GAP43: variants seen among roughly 807,000 people sequenced by gnomAD.
GAP43 encodes the protein neuromodulin.
A neutral mutation model predicts 18.6 loss-of-function variants in GAP43; 6 were observed. The observed-to-expected ratio is 0.32, with a 90% CI of 0.18 to 0.64. The LOEUF (loss-of-function observed/expected upper bound fraction) is 0.64, where lower values mean the gene tolerates loss of function less well. Ranked by LOEUF, GAP43 falls within the 30% of genes least tolerant of loss-of-function variation. GAP43 has a pLI of 0.78. For missense variants in GAP43, 292 were observed against 295.5 expected (o/e 0.99, Z 0.09); for synonymous variants, 115 against 111.4 (o/e 1.03, Z -0.20).
At chr3:115,720,764 C>A (rs750154075) in intron 2 of GAP43, 30 bp from the exon 3 acceptor site, 3 of 1,482,872 alleles carry the variant, frequency 2.0e-6, no homozygotes, top group South Asian at 2.3e-5. Context: ...CTCTCCTTTT[C>A]CCCCCATCCT....
intron 1 of GAP43, among the ~76,000 whole-genome samples, chr3:115,630,761 C>T (rs1229145557): frequency 6.6e-6 from 1 of 152,108 alleles, no homozygotes; most frequent in East Asian, 1.9e-4. Flanking sequence ...TAGAGTTTTT[C>T]TGATTAAGTA....
chr3:115,674,679 A>AT (rs1354653820), intron 1 of GAP43, among the ~76,000 whole-genome samples: 1 of 152,194 alleles, frequency 6.6e-6, no homozygotes, highest in Non-Finnish European at 1.5e-5. Context: ...AAATTCAGGA[A>AT]TAGTGGTCTT....
chr3:115,661,831 C>CTTTCTTTTTTTTT lies in GAP43; in HGVS notation c.31-14179_31-14178insCTTTTTTTTTTTT, dbSNP rs780627070. 1.1e-4 allele frequency among the ~76,000 whole-genome samples: 12 copies of CTTTCTTTTTTTTT among 105,970 alleles called. 1 individual carries two copies. The highest frequency in any genetic ancestry group is 1.6e-4 in the Non-Finnish European group (9 of 57,162). 69.5% of individuals were successfully genotyped at this position (105,970 alleles called of 152,430 possible). On this transcript the variant is annotated intron_variant, in intron 1 of 2. Transcript: ENST00000305124. ...AGTTTGGCTTGGGGAGAAACTAGGG[C>CTTTCTTTTTTTTT]TTTTTTTTTTTTTTACCTGGGAGCT...
intron 1 of GAP43, among the ~76,000 whole-genome samples, chr3:115,656,748 G>T (rs1240211469): frequency 2.6e-5 from 4 of 152,140 alleles, no homozygotes; most frequent in Admixed American, 2.6e-4. Context: ...AAAAGAAATT[G>T]TTAAACTTGA....
At chr3:115,670,513 C>T (rs1708804378) in intron 1 of GAP43, among the ~76,000 whole-genome samples, 1 of 152,104 alleles carries the variant, frequency 6.6e-6, no homozygotes. Flanking sequence ...CTCTCTCCTC[C>T]CTAAGGGGTA....
In GAP43 at chr3:115,655,745, T is replaced by A. The variant is rs1708571674; in HGVS notation, c.31-20268T>A. Among the ~76,000 whole-genome samples the A allele has an allele frequency of 3.3e-5, 5 of 152,252 alleles. No homozygotes were observed. The South Asian group carries it at 1.0e-3, about 32-fold the overall frequency. On this transcript the variant is annotated intron_variant, in intron 1 of 2. Coordinates refer to ENST00000305124, the MANE Select transcript of GAP43 (RefSeq NM_002045.4). ...TTTGCATTTTCATTGAATACTATAATATTCAATGACATTATGCAAAACTGG... is the reference window on the plus strand; with the variant it reads ...TTTGCATTTTCATTGAATACTATAAAATTCAATGACATTATGCAAAACTGG...
chr3:115,710,957 G>C (rs752311084), intron 2 of GAP43, among the ~76,000 whole-genome samples: 55 of 152,082 alleles, frequency 3.6e-4, no homozygotes, highest in Admixed American at 2.6e-4. Context: ...GCATGTTTTT[G>C]GGTTTTGAAT....
intron 1 of GAP43, among the ~76,000 whole-genome samples, chr3:115,646,024 T>C (rs1169347495): frequency 6.6e-6 from 1 of 152,138 alleles, no homozygotes; most frequent in Non-Finnish European, 1.5e-5. Context: ...AGTGTTGGAC[T>C]AAGTTTTAAA....
chr3:115,689,241 T>A (rs1709072196), intron 2 of GAP43, among the ~76,000 whole-genome samples: 1 of 152,338 alleles, frequency 6.6e-6, no homozygotes, highest in East Asian at 1.9e-4. Flanking sequence ...CTCCGTAGCA[T>A]TCTTAGTGCC....
At chr3:115,711,929 T>G (rs1441308903) in intron 2 of GAP43, among the ~76,000 whole-genome samples, 2 of 152,230 alleles carry the variant, frequency 1.3e-5, no homozygotes, top group Non-Finnish European at 2.9e-5. Context: ...ACTTAATATA[T>G]TTACTTCATC....
chr3:115,653,981 C>A (rs1344023625), intron 1 of GAP43, among the ~76,000 whole-genome samples: 2 of 152,072 alleles, frequency 1.3e-5, no homozygotes, highest in African/African-American at 4.8e-5. Context: ...ATATTGGTCT[C>A]CACATCTCCC....
At position 115,681,997 on chromosome 3, in the gene GAP43, C is replaced by A. The variant is rs377469895; in HGVS notation, c.628+5387C>A. Among the ~76,000 whole-genome samples the A allele has an allele frequency of 2.1e-4, 32 of 152,216 alleles. No homozygotes were observed. In the East Asian group the frequency reaches 5.2e-3, roughly 25 times the overall value. ...AGAGGAGAGGAATGTCTAAGGACCC[C>A]AACAATGTGTTATAATATAAGAACA... On this transcript the variant is annotated intron_variant, in intron 2 of 2. Transcript: ENST00000305124.
intron 1 of GAP43, among the ~76,000 whole-genome samples, chr3:115,664,985 A>AT (rs918428909): frequency 9.9e-5 from 15 of 151,476 alleles, no homozygotes; most frequent in Admixed American, 2.0e-4. Flanking sequence ...TGCTCTTTTT[A>AT]TTTTTTTTTA....
At chr3:115,696,585 C>T (rs528176025) in intron 2 of GAP43, among the ~76,000 whole-genome samples, 5 of 126,210 alleles carry the variant, frequency 4.0e-5, no homozygotes, top group Admixed American at 8.0e-5. Flanking sequence ...ACCGCCCCCC[C>T]CCCCCACAAA....
At chr3:115,714,798 C>T (rs1559808504) in intron 2 of GAP43, among the ~76,000 whole-genome samples, 1 of 151,420 alleles carries the variant, frequency 6.6e-6, no homozygotes, top group African/African-American at 2.4e-5. Context: ...GGGGAGAAGC[C>T]ATCACTAGGT....
At chr3:115,653,461 TAA>T in intron 1 of GAP43, among the ~76,000 whole-genome samples, 1 of 152,104 alleles carries the variant, frequency 6.6e-6, no homozygotes, top group South Asian at 2.1e-4. Context: ...ATAAAATAAA[TAA>T]AAAGGTAATT....
intron 1 of GAP43, among the ~76,000 whole-genome samples, chr3:115,661,766 G>A (rs886536931): frequency 1.3e-5 from 2 of 148,362 alleles, no homozygotes; most frequent in Non-Finnish European, 3.0e-5. Flanking sequence ...GGGATTACAG[G>A]TGTGAGCCAC....
intron 2 of GAP43, among the ~76,000 whole-genome samples, chr3:115,702,779 A>G (rs1055406569): frequency 3.3e-5 from 5 of 152,146 alleles, no homozygotes; most frequent in Non-Finnish European, 7.4e-5. Flanking sequence ...CTAAACATCC[A>G]TGAGACAAAG....
At chr3:115,716,729 T>TATATAC (rs1553725777) in intron 2 of GAP43, among the ~76,000 whole-genome samples, 3 of 81,032 alleles carry the variant, frequency 3.7e-5, no homozygotes, top group Non-Finnish European at 6.7e-5. Context: ...TATATATATA[T>TATATAC]ATATATATAT....
Sources: gnomAD v4.1 joint callset for allele counts (sites outside exome capture counted in the v4.1 genomes callset) on GRCh38, gnomAD v4.1.1 for gene constraint, MANE v1.5 for transcripts, NCBI Gene and HGNC (gene_info 2026-07-23, HGNC 2026-07-21) for gene names.